Variants in CNTNAP3B observed in about 807,000 individuals in gnomAD.
CNTNAP3B encodes contactin associated protein family member 3B.
A neutral mutation model predicts 108.9 loss-of-function variants in CNTNAP3B; 25 were observed. The ratio of observed to expected loss-of-function variants is 0.23; its 90% CI spans 0.17 to 0.32. The LOEUF is 0.32. CNTNAP3B is among the 10% of genes least tolerant of loss of function. The probability of loss-of-function intolerance (pLI) is 1.00; values close to 1 mark genes in which losing one functional copy is unlikely to be tolerated. For synonymous variants in CNTNAP3B, 103 were observed against 473.4 expected, an observed-to-expected ratio of 0.22 and a Z score of 10.16; for missense variants, 252 against 1,210.4, an observed-to-expected ratio of 0.21 and a Z score of 11.75.
At position 42,122,064 on chromosome 9, in the gene CNTNAP3B, CT is replaced by C. The variant is rs1828475633; in HGVS notation, c.85+6945del. Among the ~76,000 whole-genome samples the C allele has an allele frequency of 2.9e-5, 4 of 139,930 alleles. 1 individual carries two copies. Among genetic ancestry groups the C allele is most frequent in the Non-Finnish European group, 6.1e-5 (4 of 65,044 alleles). The allele number at this position is 139,930 out of a possible 152,430, so 91.8% of individuals were successfully genotyped here. On this transcript the variant is annotated intron_variant, in intron 1 of 23. Transcript: ENST00000377561. Reference sequence around the variant, plus strand: ...TGGGTTACATGACAAGTGAGGAGCCCTGAGCTTAGGGAATTCAAAGTTTTCT... The same window carrying C: ...TGGGTTACATGACAAGTGAGGAGCCCGAGCTTAGGGAATTCAAAGTTTTCT...
intron 14 of CNTNAP3B, among the ~76,000 whole-genome samples, chr9:41,934,046 TTA>T (rs1417685397): frequency 3.3e-5 from 5 of 150,134 alleles, no homozygotes; most frequent in Non-Finnish European, 5.9e-5. Context: ...CCCAAAAATG[TTA>T]TGTTAATTAT....
chr9:42,098,540 G>A (rs1453560421), intron 2 of CNTNAP3B, among the ~76,000 whole-genome samples: 1 of 79,148 alleles, frequency 1.3e-5, no homozygotes, highest in African/African-American at 4.9e-5. Context: ...CAGAGATCAT[G>A]CCACTGCACT....
chr9:41,931,750 TA>T, intron 14 of CNTNAP3B, among the ~76,000 whole-genome samples: 1 of 149,026 alleles, frequency 6.7e-6, no homozygotes, highest in South Asian at 2.1e-4. Context: ...GGAAATTTTT[TA>T]TTAATGTGGT....
intron 1 of CNTNAP3B, among the ~76,000 whole-genome samples, chr9:42,121,981 T>G (rs1828473768): frequency 7.2e-6 from 1 of 139,690 alleles, no homozygotes; most frequent in South Asian, 2.3e-4. Flanking sequence ...TCAATTTCCT[T>G]GCCTCCAAGT....
At chr9:42,085,897 T>G (rs932736337) in intron 2 of CNTNAP3B, among the ~76,000 whole-genome samples, 1 of 145,120 alleles carries the variant, frequency 6.9e-6, no homozygotes, top group African/African-American at 2.7e-5. Flanking sequence ...AGCTTTAATT[T>G]TATTACTAAA....
chr9:42,071,314 C>T (rs1230917072), intron 3 of CNTNAP3B, among the ~76,000 whole-genome samples: 1 of 145,040 alleles, frequency 6.9e-6, no homozygotes, highest in East Asian at 2.0e-4. Flanking sequence ...ATAATTTACC[C>T]AAGAAATGAA....
intron 1 of CNTNAP3B, among the ~76,000 whole-genome samples, chr9:42,117,737 A>G (rs1828351493): frequency 7.3e-6 from 1 of 136,684 alleles, no homozygotes; most frequent in Admixed American, 7.3e-5. Flanking sequence ...TGAATCCAAG[A>G]GCTGGTTTTT....
chr9:41,937,679 T>C (rs1242718273), intron 14 of CNTNAP3B, among the ~76,000 whole-genome samples: 8 of 152,396 alleles, frequency 5.2e-5, no homozygotes, highest in African/African-American at 1.9e-4. Flanking sequence ...AATTCTATGT[T>C]AGTTGTTTCA....
intron 1 of CNTNAP3B, among the ~76,000 whole-genome samples, chr9:42,116,644 T>A (rs1828324170): frequency 7.2e-6 from 1 of 139,636 alleles, no homozygotes; most frequent in South Asian, 2.3e-4. Flanking sequence ...GTTAACATCA[T>A]AATGACAGGA....
intron 1 of CNTNAP3B, among the ~76,000 whole-genome samples, chr9:42,109,463 G>T (rs1202635595): frequency 1.4e-5 from 2 of 147,616 alleles, no homozygotes; most frequent in Admixed American, 6.7e-5. Context: ...AGAATGCATG[G>T]ATAATACATG....
intron 14 of CNTNAP3B, among the ~76,000 whole-genome samples, chr9:41,935,466 G>A (rs1824129325): frequency 6.6e-6 from 1 of 152,244 alleles, no homozygotes; most frequent in Non-Finnish European, 1.5e-5. Context: ...AAGTAATAAA[G>A]ACTAAGATTT....
intron 1 of CNTNAP3B, among the ~76,000 whole-genome samples, chr9:42,125,954 A>C (rs1459015240): frequency 7.5e-6 from 1 of 133,208 alleles, no homozygotes; most frequent in Non-Finnish European, 1.6e-5. Context: ...TTTGACACTA[A>C]AATTAAGAGT....
At chr9:41,917,095 T>C (rs1240995913) in intron 18 of CNTNAP3B, among the ~76,000 whole-genome samples, 4 of 152,302 alleles carry the variant, frequency 2.6e-5, no homozygotes, top group South Asian at 4.1e-4. Context: ...GGGGATGTTT[T>C]CAACCATTAT....
intron 12 of CNTNAP3B, among the ~76,000 whole-genome samples, chr9:41,958,693 G>C (rs1327435023): frequency 1.3e-5 from 2 of 149,612 alleles, no homozygotes; most frequent in Non-Finnish European, 3.0e-5. Flanking sequence ...GGCAGGTTAG[G>C]CTCTGAAAAC....
Position 42,113,035 on chromosome 9 carries a change from G to A in CNTNAP3B, c.86-8296C>T, listed in dbSNP as rs1179337987. Reference sequence around the variant, plus strand: ...CTCCCAAAGTGCTGGGATTACAGGCGTGAGCCACCATGCCCGGTCAAGTTT... The same window carrying A: ...CTCCCAAAGTGCTGGGATTACAGGCATGAGCCACCATGCCCGGTCAAGTTT... On this transcript the variant is annotated intron_variant, in intron 1 of 23. Coordinates refer to ENST00000377561, the MANE Select transcript of CNTNAP3B (RefSeq NM_001201380.3). Among the ~76,000 whole-genome samples, 12 of 134,416 alleles carry A rather than the reference G, an allele frequency of 8.9e-5. No individual in the cohort carries two copies. The South Asian group carries it at 9.7e-4, about 11-fold the overall frequency. 88.2% of individuals were successfully genotyped at this position (134,416 alleles called of 152,430 possible). A position where few individuals can be genotyped will look rare whatever the true frequency, so the allele number is the denominator to read the frequency against.
chr9:41,968,088 G>A (rs1367885043), intron 10 of CNTNAP3B, among the ~76,000 whole-genome samples: 1 of 152,240 alleles, frequency 6.6e-6, no homozygotes, highest in Non-Finnish European at 1.5e-5. Context: ...TACTTTGGGA[G>A]CTACATGCAC....
intron 3 of CNTNAP3B, among the ~76,000 whole-genome samples, chr9:42,029,253 A>G (rs1826469289): frequency 9.6e-6 from 1 of 104,236 alleles, no homozygotes; most frequent in Non-Finnish European, 2.0e-5. Context: ...AATGTACCTG[A>G]TGGAGTAATT....
At chr9:41,940,557 C>A (rs1268168214) in intron 13 of CNTNAP3B, among the ~76,000 whole-genome samples, 1 of 152,278 alleles carries the variant, frequency 6.6e-6, no homozygotes, top group African/African-American at 2.4e-5. Flanking sequence ...CGGTGGCTCA[C>A]GCCTGTAATC....
At chr9:41,940,653 A>G (rs1422049854) in intron 13 of CNTNAP3B, among the ~76,000 whole-genome samples, 1 of 152,252 alleles carries the variant, frequency 6.6e-6, no homozygotes, top group Non-Finnish European at 1.5e-5. Context: ...CGTCTCTACT[A>G]AAAATACAAA....
Sources: allele counts gnomAD v4.1 joint callset (sites outside exome capture counted in the v4.1 genomes callset), GRCh38; gene constraint gnomAD v4.1.1; transcripts MANE v1.5; gene names NCBI Gene and HGNC (gene_info 2026-07-23, HGNC 2026-07-21).